AGAP1: variants seen among roughly 807,000 people sequenced by gnomAD.
AGAP1 encodes arf-GAP with GTPase, ANK repeat and PH domain-containing protein 1.
AGAP1 carries 29 observed loss-of-function variants against 105.3 expected under a neutral mutation model. The observed-to-expected ratio is 0.28, with a 90% CI of 0.21 to 0.38. AGAP1 has a LOEUF of 0.38. AGAP1 is among the 10% of genes least tolerant of loss of function. The pLI is 1.00. For missense variants in AGAP1, 998 were observed against 1,165.1 expected (o/e 0.86, Z 2.09); for synonymous variants, 509 against 485.9 (o/e 1.05, Z -0.63).
Position 236,012,281 on chromosome 2 carries a change from T to TC in AGAP1, c.1646-24276dup, listed in dbSNP as rs2056540493. ...GAGGCTTTCTGCACTCGGGCACCCC[T>TC]CCCCTCCCGAGGGGTGCCCAGCCTC... is the stretch of plus-strand genomic sequence containing the variant. On this transcript the variant is annotated intron_variant, in intron 13 of 17. Transcript: ENST00000304032. This position sits in a 1 kb window ranked among gnomAD's most constrained non-coding sequence, Gnocchi z 4.9. Among the ~76,000 whole-genome samples the TC allele has an allele frequency of 6.6e-6, 1 of 151,514 alleles. No homozygotes were observed. Among genetic ancestry groups the TC allele is most frequent in the African/African-American group, 2.4e-5 (1 of 41,300 alleles).
intron 16 of AGAP1, among the ~76,000 whole-genome samples, chr2:236,107,769 G>A (rs932971812): frequency 7.2e-5 from 11 of 152,220 alleles, no homozygotes; most frequent in Non-Finnish European, 1.6e-4. Context: ...GCACATCCTC[G>A]CTCTCCTGGG....
At chr2:236,047,003 C>T (rs1559223631) in intron 15 of AGAP1, among the ~76,000 whole-genome samples, 1 of 152,188 alleles carries the variant, frequency 6.6e-6, no homozygotes, top group African/African-American at 2.4e-5. Flanking sequence ...GTGATGTGCA[C>T]CTGTAGTCCC....
intron 16 of AGAP1, among the ~76,000 whole-genome samples, chr2:236,057,304 TCAA>T (rs945773719): frequency 6.6e-6 from 1 of 152,184 alleles, no homozygotes; most frequent in Non-Finnish European, 1.5e-5. Context: ...AGACAGGGTT[TCAA>T]CGTGTTAGCC....
In AGAP1 at chr2:235,900,417, G is replaced by GAAA. The variant is rs2051013052; in HGVS notation, c.1156-8319_1156-8318insAAA. 7.0e-6 allele frequency among the ~76,000 whole-genome samples: 1 copy of GAAA among 142,986 alleles called. No homozygotes were observed. Among genetic ancestry groups the GAAA allele is most frequent in the African/African-American group, 2.6e-5 (1 of 38,360 alleles). The allele number at this position is 142,986 out of a possible 152,430, so 93.8% of individuals were successfully genotyped here. On this transcript the variant is annotated intron_variant, in intron 10 of 17. Transcript: ENST00000304032. This position sits in a 1 kb window ranked among gnomAD's most constrained non-coding sequence, Gnocchi z 5.5. ...CTCGGTGGCAGCATTTCTCCCTCTGGAACTAAGACCCCTAGGCCAGCAGAA... is the reference window on the plus strand; with the variant it reads ...CTCGGTGGCAGCATTTCTCCCTCTGGAAAAACTAAGACCCCTAGGCCAGCAGAA...
At position 235,934,639 on chromosome 2, in the gene AGAP1, C is replaced by G. The variant is rs2052898118; in HGVS notation, c.1483+3716C>G. ...ATGATTAAGAGCTTTCTGTCATGCT[C>G]TTTCTTCTTAAGTTGCCGGTGATAT... is the stretch of plus-strand genomic sequence containing the variant. On this transcript the variant is annotated intron_variant, in intron 12 of 17. Coordinates refer to ENST00000304032, the MANE Select transcript of AGAP1 (RefSeq NM_001037131.3). This position sits in a 1 kb window ranked among gnomAD's most constrained non-coding sequence, Gnocchi z 4.9. Among the ~76,000 whole-genome samples the G allele has an allele frequency of 6.6e-6, 1 of 152,184 alleles. No individual in the cohort carries two copies. Among genetic ancestry groups the G allele is most frequent in the African/African-American group, 2.4e-5 (1 of 41,446 alleles).
At chr2:235,515,820 G>T (rs1356728751) in intron 1 of AGAP1, among the ~76,000 whole-genome samples, 6 of 152,122 alleles carry the variant, frequency 3.9e-5, no homozygotes, top group African/African-American at 1.4e-4. Context: ...AATTAAACAC[G>T]CACAGAGCTG....
intron 6 of AGAP1, among the ~76,000 whole-genome samples, chr2:235,779,244 C>G (rs1394730682): frequency 6.6e-6 from 1 of 152,156 alleles, no homozygotes; most frequent in Non-Finnish European, 1.5e-5. Flanking sequence ...ATTCAGGTGA[C>G]TTGTGTTATT....
Position 235,973,046 on chromosome 2 carries a change from A to G in AGAP1, c.1645+4423A>G, listed in dbSNP as rs2054718609. Reference sequence around the variant, plus strand: ...TGGCCGTTTCTTACCTCTGTGGCGCACTTATTCAGAAAGTAAAGGCTAATA... The same window carrying G: ...TGGCCGTTTCTTACCTCTGTGGCGCGCTTATTCAGAAAGTAAAGGCTAATA... On this transcript the variant is annotated intron_variant, in intron 13 of 17. Coordinates refer to ENST00000304032, the MANE Select transcript of AGAP1 (RefSeq NM_001037131.3). The surrounding 1 kb of genome is among the most constrained non-coding windows in gnomAD (Gnocchi z 4.7). Among the ~76,000 whole-genome samples the G allele has an allele frequency of 6.6e-6, 1 of 152,164 alleles. No homozygotes were observed. Among genetic ancestry groups the G allele is most frequent in the Non-Finnish European group, 1.5e-5 (1 of 68,040 alleles).
intron 1 of AGAP1, among the ~76,000 whole-genome samples, chr2:235,603,350 G>A (rs1475136098): frequency 2.0e-5 from 3 of 152,206 alleles, no homozygotes; most frequent in African/African-American, 4.8e-5. Context: ...CCTAGGGTAT[G>A]CCTTTATCAG....
intron 1 of AGAP1, 62 bp from the exon 2 acceptor site, chr2:235,709,117 G>A (rs1044381542): frequency 1.3e-6 from 2 of 1,539,092 alleles, no homozygotes; most frequent in Admixed American, 1.7e-5. Flanking sequence ...CCCATTGGAG[G>A]CATTTTGACT....
At chr2:235,897,243 T>A (rs1235057499) in intron 10 of AGAP1, among the ~76,000 whole-genome samples, 1 of 152,166 alleles carries the variant, frequency 6.6e-6, no homozygotes. Context: ...TTTTGCTATG[T>A]TGGCCAGGCT....
chr2:235,949,315 C>T (rs2053632901), intron 12 of AGAP1, among the ~76,000 whole-genome samples: 1 of 152,162 alleles, frequency 6.6e-6, no homozygotes, highest in Non-Finnish European at 1.5e-5. Context: ...TAGGGATACT[C>T]AACCTGTAAT....
chr2:235,780,487 G>A (rs1956193951), intron 6 of AGAP1, among the ~76,000 whole-genome samples: 2 of 152,162 alleles, frequency 1.3e-5, no homozygotes, highest in Non-Finnish European at 2.9e-5. Flanking sequence ...CTTTAGTGCA[G>A]CAAGCACACC....
At chr2:236,102,941 C>A (rs2059394652) in intron 16 of AGAP1, among the ~76,000 whole-genome samples, 1 of 152,082 alleles carries the variant, frequency 6.6e-6, no homozygotes. Flanking sequence ...GCTTTCTGTT[C>A]TCCCACCGCA....
chr2:235,847,519 T>C (rs1011427480), intron 9 of AGAP1, among the ~76,000 whole-genome samples: 9 of 152,336 alleles, frequency 5.9e-5, no homozygotes, highest in Admixed American at 5.2e-4. Context: ...TGAAAAGATA[T>C]GACAGGGTTA....
At position 235,751,531 on chromosome 2, in the gene AGAP1, A is replaced by G. The variant is rs547640556; in HGVS notation, c.673+1043A>G. Among the ~76,000 whole-genome samples the G allele has an allele frequency of 1.6e-3, 238 of 152,332 alleles. 2 individuals carry two copies. In the South Asian group the frequency reaches 0.031, roughly 20 times the overall value. ...GACCCACGGTGAAAGCAGTGGCTGC[A>G]GGACTGTTCCCGGGACTTCCTCCAA... On this transcript the variant is annotated intron_variant, in intron 6 of 17. Transcript: ENST00000304032. This position sits in a 1 kb window ranked among gnomAD's most constrained non-coding sequence, Gnocchi z 5.3.
At chr2:235,756,393 A>G (rs1953928718) in intron 6 of AGAP1, among the ~76,000 whole-genome samples, 1 of 152,168 alleles carries the variant, frequency 6.6e-6, no homozygotes, top group African/African-American at 2.4e-5. Flanking sequence ...TGGTAGCTGT[A>G]TGGCATGTGG....
chr2:235,894,865 C>T (rs1295623699), intron 10 of AGAP1, among the ~76,000 whole-genome samples: 1 of 152,224 alleles, frequency 6.6e-6, no homozygotes, highest in Admixed American at 6.5e-5. Flanking sequence ...CTGCCGTTGC[C>T]CCACCCGCTT....
chr2:235,630,512 CT>C (rs1482246396), intron 1 of AGAP1, among the ~76,000 whole-genome samples: 1 of 152,178 alleles, frequency 6.6e-6, no homozygotes, highest in South Asian at 2.1e-4. Context: ...TGCCCGGCCC[CT>C]GTACATTGTT....
Sources: gnomAD v4.1 joint callset for allele counts (sites outside exome capture counted in the v4.1 genomes callset) on GRCh38, gnomAD v4.1.1 for gene constraint, Gnocchi (gnomAD v3.1) non-coding constraint, MANE v1.5 for transcripts, NCBI Gene and HGNC (gene_info 2026-07-23, HGNC 2026-07-21) for gene names.